The following IGF1R variants were observed in gnomAD, a reference collection of about 807,000 sequenced individuals.
IGF1R encodes insulin-like growth factor 1 receptor.
Under a neutral mutation model 144.6 loss-of-function variants are expected in IGF1R, and 44 were observed. The observed-to-expected ratio is 0.30, with a 90% confidence interval of 0.24 to 0.39. The LOEUF (loss-of-function observed/expected upper bound fraction) is 0.39, where lower values mean the gene tolerates loss of function less well. Among genes scored for constraint, IGF1R ranks in the 10% least tolerant of loss-of-function variants. The pLI, the probability that IGF1R is intolerant of heterozygous loss-of-function variation, is 1.00. For missense variants in IGF1R, 1,355 were observed against 1,833.7 expected (o/e 0.74, Z 4.77); for synonymous variants, 795 against 722.8 (o/e 1.10, Z -1.60).
At position 98,913,275 on chromosome 15, in the gene IGF1R, T is replaced by C. The variant is rs1233597600; in HGVS notation, c.1821T>C (p.Asn607=). ...AKSEILYIRT[N]ASVPSIPLDV... ...GTGAGATCTTGTACATTCGCACCAA[T>C]GCTTCAGGTATCCATGCCTAGACAA... The change falls in exon 8 of 21, where the codon AAT becomes AAC. Residue 607 remains asparagine (N), a synonymous_variant. Transcript: ENST00000650285. 2 of 1,612,822 alleles carry C rather than the reference T, an allele frequency of 1.2e-6. No homozygotes were observed. The highest frequency in any genetic ancestry group is 1.7e-5 in the Admixed American group (1 of 60,000).
At chr15:98,892,277 G>A (rs1169763957) in intron 3 of IGF1R, among the ~76,000 whole-genome samples, 2 of 152,082 alleles carry the variant, frequency 1.3e-5, no homozygotes, top group Non-Finnish European at 2.9e-5. Flanking sequence ...TTATGGCCAG[G>A]CATGTGGCTC....
At chr15:98,692,726 C>G (rs937448875) in intron 1 of IGF1R, among the ~76,000 whole-genome samples, 7 of 152,174 alleles carry the variant, frequency 4.6e-5, no homozygotes, top group African/African-American at 1.4e-4. Flanking sequence ...CAACAACTAC[C>G]TGAGATAATG....
intron 2 of IGF1R, among the ~76,000 whole-genome samples, chr15:98,851,385 C>T (rs1396436806): frequency 6.6e-6 from 1 of 152,184 alleles, no homozygotes; most frequent in Non-Finnish European, 1.5e-5. Context: ...GACAGTCTGG[C>T]TGTCTGGCCA....
At chr15:98,948,841 A>G in intron 20 of IGF1R, 133 bp downstream of exon 20, 1 of 1,075,824 alleles carries the variant, frequency 9.3e-7, no homozygotes, top group Non-Finnish European at 1.4e-6. Flanking sequence ...CGTGGCTAAG[A>G]GGTTTGTCCT....
intron 2 of IGF1R, among the ~76,000 whole-genome samples, chr15:98,715,311 T>C (rs538204224): frequency 1.3e-5 from 2 of 152,314 alleles, no homozygotes; most frequent in Non-Finnish European, 2.9e-5. Context: ...CTAATTGTCA[T>C]TAGTGATGGT....
At chr15:98,878,873 A>C (rs1596387801) in intron 2 of IGF1R, among the ~76,000 whole-genome samples, 1 of 151,866 alleles carries the variant, frequency 6.6e-6, no homozygotes, top group South Asian at 2.1e-4. Context: ...GTGGGCGCCT[A>C]TAATCCCAGC....
intron 1 of IGF1R, among the ~76,000 whole-genome samples, chr15:98,654,839 C>G (rs995997499): frequency 2.0e-5 from 3 of 152,168 alleles, no homozygotes; most frequent in African/African-American, 4.8e-5. Flanking sequence ...AAGGAAAATT[C>G]TGAACACTTT....
intron 20 of IGF1R, among the ~76,000 whole-genome samples, chr15:98,954,556 G>A (rs1448096925): frequency 6.6e-6 from 1 of 152,174 alleles, no homozygotes; most frequent in Non-Finnish European, 1.5e-5. Context: ...GCACTGGAAG[G>A]GTTGTTACTC....
intron 1 of IGF1R, chr15:98,651,000 A>G (rs762381284): frequency 7.8e-5 from 77 of 985,236 alleles, no homozygotes; most frequent in Middle Eastern, 5.2e-4. Flanking sequence ...TTACTGGTAC[A>G]TTCAAGATGG....
chr15:98,952,224 C>G (rs1057364615), intron 20 of IGF1R, among the ~76,000 whole-genome samples: 11 of 151,754 alleles, frequency 7.2e-5, no homozygotes, highest in African/African-American at 2.7e-4. Context: ...GAGTCAATCA[C>G]GTGGGGATGT....
chr15:98,711,326 G>A (rs547128520), intron 2 of IGF1R, among the ~76,000 whole-genome samples: 7 of 152,182 alleles, frequency 4.6e-5, no homozygotes, highest in African/African-American at 1.2e-4. Flanking sequence ...GGAGAAACAC[G>A]TCAAGGGTGT....
At chr15:98,759,672 TG>T (rs1013450778) in intron 2 of IGF1R, among the ~76,000 whole-genome samples, 1 of 152,244 alleles carries the variant, frequency 6.6e-6, no homozygotes, top group Non-Finnish European at 1.5e-5. Flanking sequence ...TTTCAAGTTT[TG>T]TAGGGACCTG....
intron 2 of IGF1R, among the ~76,000 whole-genome samples, chr15:98,852,423 C>T (rs150755630): frequency 6.6e-6 from 1 of 152,224 alleles, no homozygotes; most frequent in Admixed American, 6.5e-5. Context: ...CCAGGGCCCA[C>T]CCTCCCCGCC....
chr15:98,866,976 T>G (rs2012483831), intron 2 of IGF1R, among the ~76,000 whole-genome samples: 1 of 152,216 alleles, frequency 6.6e-6, no homozygotes, highest in Non-Finnish European at 1.5e-5. Flanking sequence ...TGCTACACTT[T>G]TTTAAATTCA....
intron 2 of IGF1R, among the ~76,000 whole-genome samples, chr15:98,809,983 A>G (rs2056551529): frequency 6.6e-6 from 1 of 152,214 alleles, no homozygotes; most frequent in Non-Finnish European, 1.5e-5. Flanking sequence ...ACTGACCCAG[A>G]CAGACTCCCG....
intron 2 of IGF1R, among the ~76,000 whole-genome samples, chr15:98,855,050 G>A (rs762574537): frequency 1.3e-5 from 2 of 152,068 alleles, no homozygotes; most frequent in South Asian, 2.1e-4. Context: ...CAGCCCCTGC[G>A]CATCCCACTG....
intron 1 of IGF1R, among the ~76,000 whole-genome samples, chr15:98,699,902 C>A (rs201945411): frequency 4.6e-5 from 7 of 152,196 alleles, no homozygotes; most frequent in Non-Finnish European, 7.3e-5. Context: ...AAATCTCTTA[C>A]ATTCTTATCA....
At chr15:98,860,489 G>A (rs2054051609) in intron 2 of IGF1R, among the ~76,000 whole-genome samples, 1 of 152,184 alleles carries the variant, frequency 6.6e-6, no homozygotes, top group African/African-American at 2.4e-5. Flanking sequence ...TGAGACTACT[G>A]CACCAGTTTT....
intron 1 of IGF1R, among the ~76,000 whole-genome samples, chr15:98,700,971 C>T (rs943224284): frequency 6.6e-6 from 1 of 151,976 alleles, no homozygotes; most frequent in Non-Finnish European, 1.5e-5. Context: ...GTTCTGCCTT[C>T]GTTGTGCAAA....
Sources: gnomAD v4.1 joint callset for allele counts (sites outside exome capture counted in the v4.1 genomes callset) on GRCh38, gnomAD v4.1.1 for gene constraint, MANE v1.5 for transcripts, NCBI Gene and HGNC (gene_info 2026-07-23, HGNC 2026-07-21) for gene names.